Variants in VDAC1 observed in about 807,000 individuals in gnomAD.
VDAC1 encodes voltage dependent anion channel 1, also known as non-selective voltage-gated ion channel VDAC1.
Under a neutral mutation model 34.7 loss-of-function variants are expected in VDAC1, and 10 were observed. That is an observed-to-expected ratio of 0.29 (90% CI 0.18 to 0.49). The LOEUF (loss-of-function observed/expected upper bound fraction) is 0.49. VDAC1 is among the 20% of genes least tolerant of loss of function. The probability of loss-of-function intolerance (pLI) is 0.99; values close to 1 mark genes in which losing one functional copy is unlikely to be tolerated. For synonymous variants in VDAC1, 130 were observed against 136.0 expected, an observed-to-expected ratio of 0.96 and a Z score of 0.30; for missense variants, 230 against 347.9, an observed-to-expected ratio of 0.66 and a Z score of 2.69.
At chr5:133,976,658 A>T (rs1752495170) in intron 6 of VDAC1, among the ~76,000 whole-genome samples, 1 of 152,084 alleles carries the variant, frequency 6.6e-6, no homozygotes, top group Admixed American at 6.5e-5. Flanking sequence ...GAAAAAAAAA[A>T]AAAAGAAGCA....
At chr5:134,010,688 A>AC in the VDAC1 span, among the ~76,000 whole-genome samples, 4 of 152,174 alleles carry the variant, frequency 2.6e-5, no homozygotes. Flanking sequence ...TATTACTTCA[A>AC]CCCCAACATT....
intron 1 of VDAC1, among the ~76,000 whole-genome samples, chr5:133,997,230 T>C (rs1753349509): frequency 6.6e-6 from 1 of 152,184 alleles, no homozygotes; most frequent in Non-Finnish European, 1.5e-5. Context: ...ATTCCACTTC[T>C]AGGAACCTGC....
At chr5:134,074,336 A>G in the VDAC1 span, among the ~76,000 whole-genome samples, 1 of 151,374 alleles carries the variant, frequency 6.6e-6, no homozygotes, top group African/African-American at 2.4e-5. Flanking sequence ...AAATAAATAA[A>G]TAAATAAATA....
chr5:134,087,267 T>G, the VDAC1 span, among the ~76,000 whole-genome samples: 1 of 152,056 alleles, frequency 6.6e-6, no homozygotes, highest in Non-Finnish European at 1.5e-5. Flanking sequence ...TGTGTGCACC[T>G]GCGGTCGCTG....
the VDAC1 span, among the ~76,000 whole-genome samples, chr5:134,109,703 G>A: frequency 4.6e-5 from 7 of 150,866 alleles, no homozygotes; most frequent in African/African-American, 1.7e-4. Context: ...CTGGGAGGCA[G>A]AGGTTGCAGT....
the VDAC1 span, among the ~76,000 whole-genome samples, chr5:134,097,321 C>A: frequency 6.6e-6 from 1 of 152,170 alleles, no homozygotes; most frequent in Non-Finnish European, 1.5e-5. Flanking sequence ...ATGTTAAGGA[C>A]TCAGAATGGA....
At chr5:134,089,567 G>C in the VDAC1 span, among the ~76,000 whole-genome samples, 1 of 152,176 alleles carries the variant, frequency 6.6e-6, no homozygotes, top group East Asian at 1.9e-4. Flanking sequence ...GAGGAGAGGT[G>C]GGGGGAGCCA....
chr5:133,991,300 TTTAA>T (rs1753094732), intron 3 of VDAC1, 146 bp from the exon 4 acceptor site: 1 of 1,022,154 alleles, frequency 9.8e-7, no homozygotes, highest in South Asian at 1.6e-5. Context: ...CAAATAGATA[TTTAA>T]AGTACAGATG....
At chr5:134,045,651 C>G in the VDAC1 span, among the ~76,000 whole-genome samples, 1 of 152,044 alleles carries the variant, frequency 6.6e-6, no homozygotes, top group South Asian at 2.1e-4. Context: ...CTGAATAATC[C>G]AGGATGGTAT....
At chr5:134,070,871 A>G in the VDAC1 span, among the ~76,000 whole-genome samples, 1 of 152,214 alleles carries the variant, frequency 6.6e-6, no homozygotes. Context: ...ATTATTTTCT[A>G]GGCAGCAAGG....
the VDAC1 span, among the ~76,000 whole-genome samples, chr5:134,039,079 G>A: frequency 1.3e-5 from 2 of 152,162 alleles, no homozygotes; most frequent in African/African-American, 2.4e-5. Context: ...AGAGCACCAA[G>A]TAGGTCCATG....
At chr5:134,068,966 C>CTGTGTGTGTGTGTG in the VDAC1 span, among the ~76,000 whole-genome samples, 272 of 136,688 alleles carry the variant, frequency 2.0e-3, 1 homozygote, top group South Asian at 3.3e-3. Flanking sequence ...TGGGAGGTGA[C>CTGTGTGTGTGTGTG]TGTGTGTGTG....
At chr5:133,992,435 G>C (rs1332896009) in intron 2 of VDAC1, 80 bp from the exon 3 acceptor site, 1 of 1,168,700 alleles carries the variant, frequency 8.6e-7, no homozygotes, top group Non-Finnish European at 1.2e-6. Context: ...GTTGCTTCAG[G>C]ATGCTTTTTT....
chr5:134,005,750 T>G (rs1753734443), upstream of VDAC1, among the ~76,000 whole-genome samples: 1 of 152,242 alleles, frequency 6.6e-6, no homozygotes, highest in South Asian at 2.1e-4. Context: ...CGTTCACCAC[T>G]GAGTGTCCCC....
the VDAC1 span, among the ~76,000 whole-genome samples, chr5:134,010,108 T>A: frequency 6.6e-6 from 1 of 152,196 alleles, no homozygotes. Flanking sequence ...TGAAAAGCAA[T>A]TAGGCTATAT....
Position 133,992,986 on chromosome 5 carries a change from A to C in VDAC1, c.27T>G (p.Asp9Glu). 6.2e-7 allele frequency: 1 copy of C among 1,613,632 alleles called. No homozygotes were observed. Among genetic ancestry groups the C allele is most frequent in the Non-Finnish European group, 8.5e-7 (1 of 1,179,712 alleles). Reference protein sequence around the residue: MAVPPTYADLGKSARDVFT... With the variant: MAVPPTYAELGKSARDVFT... ...AGACATCCCTGGCAGATTTGCCAAG[A>C]TCGGCATACGTGGGTGGCACAGCCA... is the stretch of plus-strand genomic sequence containing the variant. Residue 9 changes from aspartate to glutamate, a missense_variant, in exon 2 of 9, where the codon GAT becomes GAG. Asp to Glu is a conservative substitution (Grantham distance 45). Coordinates refer to ENST00000265333, the MANE Select transcript of VDAC1 (RefSeq NM_003374.3).
chr5:134,111,138 G>A, the VDAC1 span, among the ~76,000 whole-genome samples: 2 of 152,198 alleles, frequency 1.3e-5, no homozygotes, highest in South Asian at 4.1e-4. Context: ...GAGGCTCAGA[G>A]AGGGTCAGCA....
At chr5:133,983,106 G>A (rs918096902) in intron 5 of VDAC1, among the ~76,000 whole-genome samples, 28 of 151,800 alleles carry the variant, frequency 1.8e-4, no homozygotes, top group African/African-American at 5.8e-4. Flanking sequence ...AAAATTAGCC[G>A]GGTGTGGTGG....
At chr5:134,068,654 C>T in the VDAC1 span, among the ~76,000 whole-genome samples, 4 of 152,084 alleles carry the variant, frequency 2.6e-5, no homozygotes, top group Non-Finnish European at 4.4e-5. Flanking sequence ...TTCACTACAA[C>T]GTGGCTAGGT....
Sources: gnomAD v4.1 joint callset for allele counts (sites outside exome capture counted in the v4.1 genomes callset) on GRCh38, gnomAD v4.1.1 for gene constraint, MANE v1.5 for transcripts, NCBI Gene and HGNC (gene_info 2026-07-23, HGNC 2026-07-21) for gene names.